The following SLC17A1 variants were observed in gnomAD, a reference collection of about 807,000 sequenced individuals.
SLC17A1 encodes sodium-dependent phosphate transport protein 1.
A neutral mutation model predicts 53.5 loss-of-function variants in SLC17A1; 51 were observed. The observed-to-expected ratio is 0.95, with a 90% confidence interval of 0.76 to 1.20. The LOEUF (loss-of-function observed/expected upper bound fraction) is 1.20. Among genes scored for constraint, SLC17A1 ranks in the 50% most tolerant of loss-of-function variants. The pLI, the probability that SLC17A1 is intolerant of heterozygous loss-of-function variation, is 0.00. For synonymous variants in SLC17A1, 179 were observed against 198.8 expected (o/e 0.90, Z 0.84); for missense variants, 538 against 568.2 (o/e 0.95, Z 0.54).
chr6:25,727,139 C>G, the SLC17A1 span: 121 of 1,614,036 alleles, frequency 7.5e-5, no homozygotes, highest in Non-Finnish European at 9.7e-5. Flanking sequence ...GTATAGCGAG[C>G]GAGGCATCAC....
At chr6:25,813,058 A>C in intron 7 of SLC17A1, 37 bp downstream of exon 7, 1 of 1,611,592 alleles carries the variant, frequency 6.2e-7, no homozygotes, top group Non-Finnish European at 8.5e-7. Context: ...TTTGGAGTAG[A>C]ATCTGGGAGA....
the SLC17A1 span, chr6:25,732,834 A>T: frequency 9.7e-6 from 4 of 410,650 alleles, no homozygotes; most frequent in African/African-American, 2.1e-5. Context: ...TAACCACCCA[A>T]GTTGTAAAAG....
the SLC17A1 span, among the ~76,000 whole-genome samples, chr6:25,756,918 T>C: frequency 2.6e-5 from 4 of 152,236 alleles, no homozygotes; most frequent in African/African-American, 9.6e-5. Flanking sequence ...TTCTTGTGAC[T>C]GATATGATTT....
At chr6:25,816,913 T>C (rs1026517253) in intron 6 of SLC17A1, among the ~76,000 whole-genome samples, 2 of 147,918 alleles carry the variant, frequency 1.4e-5, no homozygotes, top group African/African-American at 5.0e-5. Flanking sequence ...AATGGCACGA[T>C]CTTGGCTCAC....
At chr6:25,725,980 T>C in the SLC17A1 span, 1 of 701,970 alleles carries the variant, frequency 1.4e-6, no homozygotes, top group East Asian at 2.5e-5. Flanking sequence ...GAAATGCGCT[T>C]AAACGGGCAT....
chr6:25,798,518 C>T (rs1397882175), intron 12 of SLC17A1: 5 of 314,648 alleles, frequency 1.6e-5, no homozygotes, highest in Non-Finnish European at 2.9e-5. Flanking sequence ...GAAGGCCCTT[C>T]CCAGTCTTTT....
intron 6 of SLC17A1, among the ~76,000 whole-genome samples, chr6:25,816,670 G>C (rs2151496979): frequency 6.6e-6 from 1 of 152,356 alleles, no homozygotes; most frequent in Admixed American, 6.5e-5. Context: ...GTTAAGGAGA[G>C]CGTGAGATGC....
the SLC17A1 span, among the ~76,000 whole-genome samples, chr6:25,755,036 G>C: frequency 9.4e-5 from 10 of 106,732 alleles, no homozygotes; most frequent in African/African-American, 2.6e-4. Flanking sequence ...CAGACAGACA[G>C]ACACACACAC....
chr6:25,788,264 T>A (rs921981149), intron 12 of SLC17A1, among the ~76,000 whole-genome samples: 5 of 152,068 alleles, frequency 3.3e-5, no homozygotes, highest in Non-Finnish European at 5.9e-5. Context: ...TTTGAAAAAA[T>A]TTTAGATTAA....
At chr6:25,725,216 T>C in the SLC17A1 span, among the ~76,000 whole-genome samples, 1 of 152,218 alleles carries the variant, frequency 6.6e-6, no homozygotes, top group Non-Finnish European at 1.5e-5. Context: ...CTCTTCCAAA[T>C]TTCTAAACTT....
At chr6:25,725,835 C>T in the SLC17A1 span, among the ~76,000 whole-genome samples, 1 of 152,166 alleles carries the variant, frequency 6.6e-6, no homozygotes, top group Non-Finnish European at 1.5e-5. Context: ...CCTCCCGCTC[C>T]AACCTCCACT....
chr6:25,775,629 T>A, the SLC17A1 span, among the ~76,000 whole-genome samples: 1 of 151,954 alleles, frequency 6.6e-6, no homozygotes, highest in Non-Finnish European at 1.5e-5. Context: ...GGTCTTGTTA[T>A]ATTGGCTAGG....
the SLC17A1 span, chr6:25,768,336 G>T: frequency 1.0e-6 from 1 of 982,262 alleles, no homozygotes; most frequent in Non-Finnish European, 1.2e-6. Flanking sequence ...TTCTCTACAG[G>T]GATAGTGGAT....
chr6:25,725,760 C>T, the SLC17A1 span, among the ~76,000 whole-genome samples: 5 of 152,098 alleles, frequency 3.3e-5, no homozygotes, highest in Admixed American at 3.3e-4. Flanking sequence ...ATCACCAGAC[C>T]CAGCTAGTTT....
At chr6:25,768,999 C>T in the SLC17A1 span, 31 of 1,613,756 alleles carry the variant, frequency 1.9e-5, no homozygotes, top group Middle Eastern at 1.6e-4. Flanking sequence ...TTGTTCAGTC[C>T]GACATGGGCT....
the SLC17A1 span, chr6:25,770,425 G>A: frequency 6.2e-7 from 1 of 1,613,992 alleles, no homozygotes; most frequent in Non-Finnish European, 8.5e-7. Flanking sequence ...GGGTCAAATG[G>A]GCTCCCCCAC....
intron 10 of SLC17A1, among the ~76,000 whole-genome samples, chr6:25,802,064 C>A (rs1326012906): frequency 6.6e-6 from 1 of 152,166 alleles, no homozygotes; most frequent in Non-Finnish European, 1.5e-5. Flanking sequence ...GGAATTGGGA[C>A]CACTCATGAC....
intron 6 of SLC17A1, among the ~76,000 whole-genome samples, chr6:25,816,236 A>T (rs1405334845): frequency 6.6e-6 from 1 of 152,096 alleles, no homozygotes; most frequent in Non-Finnish European, 1.5e-5. Context: ...TCCTACCCAG[A>T]CCCATTCCCA....
the SLC17A1 span, chr6:25,727,243 C>G: frequency 1.4e-5 from 23 of 1,613,272 alleles, no homozygotes; most frequent in Non-Finnish European, 2.0e-5. Flanking sequence ...GCTAAACATG[C>G]TGTGTCTGAG....
Sources: allele counts gnomAD v4.1 joint callset (sites outside exome capture counted in the v4.1 genomes callset), GRCh38; gene constraint gnomAD v4.1.1; transcripts MANE v1.5; gene names NCBI Gene and HGNC (gene_info 2026-07-23, HGNC 2026-07-21).